The following ATG2A variants were observed in gnomAD, a reference collection of about 807,000 sequenced individuals.
ATG2A encodes the protein autophagy related 2A.
ATG2A carries 103 observed loss-of-function variants against 214.2 expected under a neutral mutation model. The observed-to-expected ratio is 0.48, with a 90% CI of 0.41 to 0.57. ATG2A has a LOEUF of 0.57. Ranked by LOEUF, ATG2A falls within the 20% of genes least tolerant of loss-of-function variation. The pLI is 0.00. For synonymous variants in ATG2A, 1,160 were observed against 1,142.1 expected, an observed-to-expected ratio of 1.02 and a Z score of -0.32; for missense variants, 2,312 against 2,613.2, an observed-to-expected ratio of 0.88 and a Z score of 2.51.
rs923980399 is a variant in ATG2A at position 64,903,906 on chromosome 11, G to C, written c.3465-246C>G. On this transcript the variant is annotated intron_variant, in intron 24 of 40. Coordinates refer to ENST00000377264, the MANE Select transcript of ATG2A (RefSeq NM_015104.3). The surrounding 1 kb of genome is among the most constrained non-coding windows in gnomAD (Gnocchi z 4.2). ...GGGGCCTCATGACAGTCCTGGGAAGGGGTGTCCATTTTTCTCCCTGCTGCA... is the reference window on the plus strand; with the variant it reads ...GGGGCCTCATGACAGTCCTGGGAAGCGGTGTCCATTTTTCTCCCTGCTGCA... Among the ~76,000 whole-genome samples, 1 of 152,212 alleles carries C rather than the reference G, an allele frequency of 6.6e-6. No individual in the cohort carries two copies. Among genetic ancestry groups the C allele is most frequent in the Non-Finnish European group, 1.5e-5 (1 of 68,036 alleles).
At position 64,914,112 on chromosome 11, in the gene ATG2A, C is replaced by T. The variant is rs1210431143; in HGVS notation, c.456G>A (p.Gly152=). Residue 152 remains glycine (G), a synonymous_variant, in exon 3 of 41, where the codon GGG becomes GGA. Coordinates refer to ENST00000377264, the MANE Select transcript of ATG2A (RefSeq NM_015104.3). ...EPSEPPQPLE[G]LEMFAQTIET... ...CAATGGTCTGGGCAAACATCTCCAG[C>T]CCCTCCAGGGGCTGTGGTGGCTCAG... is the stretch of plus-strand genomic sequence containing the variant. 1.3e-6 allele frequency: 2 copies of T among 1,550,342 alleles called. No homozygotes were observed. Among genetic ancestry groups the T allele is most frequent in the East Asian group, 2.4e-5 (1 of 41,292 alleles).
At position 64,907,230 on chromosome 11, in the gene ATG2A, C is replaced by T. The variant is rs920078685; in HGVS notation, c.2832+25G>A. On this transcript the variant is annotated intron_variant, in intron 19 of 40. Coordinates refer to ENST00000377264, the MANE Select transcript of ATG2A (RefSeq NM_015104.3). Reference sequence around the variant, plus strand: ...CCAATGGGAGCTCTGAAGTTTGGGGCCCGCCTGCCCGGGGCTGCACTCACC... The same window carrying T: ...CCAATGGGAGCTCTGAAGTTTGGGGTCCGCCTGCCCGGGGCTGCACTCACC... 4 of 1,466,494 alleles carry T rather than the reference C, an allele frequency of 2.7e-6. No homozygotes were observed. In the Admixed American group the frequency reaches 8.1e-5, roughly 30 times the overall value. 90.8% of individuals were successfully genotyped at this position (1,466,494 alleles called of 1,614,324 possible).
chr11:64,912,376 C>CGGA lies in ATG2A; in HGVS notation c.872_873insTCC (p.Pro291dup). 2 of 1,564,246 alleles carry CGGA rather than the reference C, an allele frequency of 1.3e-6. No individual in the cohort carries two copies. Among genetic ancestry groups the CGGA allele is most frequent in the Non-Finnish European group, 1.7e-6 (2 of 1,154,650 alleles). On this transcript the variant is annotated inframe_insertion, in exon 7 of 41. Transcript: ENST00000377264. Reference sequence around the variant, plus strand: ...GTTCCTGAAGTTGCTGGAGCTGCCTCGGGGTCAGGAGCAGGTGCAGGGAGC... The same window carrying CGGA: ...GTTCCTGAAGTTGCTGGAGCTGCCTCGGAGGGGTCAGGAGCAGGTGCAGGGAGC...
At chr11:64,902,751 C>T (rs1460218482) in intron 26 of ATG2A, 71 bp from the exon 27 acceptor site, 1 of 1,434,240 alleles carries the variant, frequency 7.0e-7, no homozygotes, top group East Asian at 2.3e-5. Flanking sequence ...CACCCGCTCG[C>T]TGGGAGGGCA....
Position 64,913,006 on chromosome 11 carries a change from C to T in ATG2A, c.825+32G>A, listed in dbSNP as rs1271505990. The T allele has an allele frequency of 1.4e-6, 2 of 1,466,942 alleles. No homozygotes were observed. The highest frequency in any genetic ancestry group is 1.8e-6 in the Non-Finnish European group (2 of 1,089,880). The allele number at this position is 1,466,942 out of a possible 1,614,324, so 90.9% of individuals were successfully genotyped here. On this transcript the variant is annotated intron_variant, in intron 6 of 40. Coordinates refer to ENST00000377264, the MANE Select transcript of ATG2A (RefSeq NM_015104.3). This position sits in a 1 kb window ranked among gnomAD's most constrained non-coding sequence, Gnocchi z 4.3. Reference sequence around the variant, plus strand: ...GGAGGAGGAGTCTTGAGATGGGGTACTCACCCCCTCCCCAGGGGCCTGGGG... The same window carrying T: ...GGAGGAGGAGTCTTGAGATGGGGTATTCACCCCCTCCCCAGGGGCCTGGGG...
Position 64,902,370 on chromosome 11 carries a change from G to A in ATG2A, c.3794C>T (p.Ala1265Val). Residue 1265 changes from alanine (A) to valine (V), a missense_variant, in exon 28 of 41, where the codon GCC (alanine) becomes GTC (valine). Coordinates refer to ENST00000377264, the MANE Select transcript of ATG2A (RefSeq NM_015104.3). ...IAGQKLSESPASLPSCPPVET... is the reference protein window; with the variant it reads ...IAGQKLSESPVSLPSCPPVET... ...CACTGGGGGGCACGAGGGCAGAGAGGCAGGACTCTCCGAGAGCTGGGCCAG... is the reference window on the plus strand; with the variant it reads ...CACTGGGGGGCACGAGGGCAGAGAGACAGGACTCTCCGAGAGCTGGGCCAG... 1 of 1,588,008 alleles carries A rather than the reference G, an allele frequency of 6.3e-7. No individual in the cohort carries two copies. Among genetic ancestry groups the A allele is most frequent in the African/African-American group, 1.3e-5 (1 of 74,460 alleles).
rs1007590406 is a variant in ATG2A, at chr11:64,915,137, C to CAA, written c.172-638_172-637insTT. 5.1e-5 allele frequency among the ~76,000 whole-genome samples: 2 copies of CAA among 39,482 alleles called. 1 individual carries two copies. Among genetic ancestry groups the CAA allele is most frequent in the African/African-American group, 1.3e-4 (2 of 14,902 alleles). The allele number at this position is 39,482 out of a possible 152,430, so 25.9% of individuals were successfully genotyped here. A position where few individuals can be genotyped will look rare whatever the true frequency, so the allele number is the denominator to read the frequency against. On this transcript the variant is annotated intron_variant, in intron 1 of 40. Coordinates refer to ENST00000377264, the MANE Select transcript of ATG2A (RefSeq NM_015104.3). ...CTGACCTAATGCCAGATGGGACCCC[C>CAA]CCCCCCCACCACCAACCCCAAACAC...
At chr11:64,910,371 C>G (rs968822104) in intron 12 of ATG2A, among the ~76,000 whole-genome samples, 176 bp from the exon 13 acceptor site, 1 of 152,204 alleles carries the variant, frequency 6.6e-6, no homozygotes, top group Non-Finnish European at 1.5e-5. Flanking sequence ...AAAAGCCACC[C>G]GACATGCGCC....
rs1171351350 is a variant in ATG2A at position 64,902,431 on chromosome 11, TCC to T, written c.3778-47_3778-46del. The T allele has an allele frequency of 2.0e-6, 3 of 1,528,780 alleles. No homozygotes were observed. In the East Asian group the frequency reaches 7.4e-5, roughly 38 times the overall value. 94.7% of individuals were successfully genotyped at this position (1,528,780 alleles called of 1,614,324 possible). ...AGCAATGAGTGAGACAGGACAGAGCTCCCCCAACCCCAGGCCCGAGGGCCATG... is the reference window on the plus strand; with the variant it reads ...AGCAATGAGTGAGACAGGACAGAGCTCCCAACCCCAGGCCCGAGGGCCATG... On this transcript the variant is annotated intron_variant, in intron 27 of 40. Transcript: ENST00000377264.
intron 12 of ATG2A, 40 bp downstream of exon 12, chr11:64,910,576 G>A (rs549413722): frequency 2.0e-5 from 31 of 1,561,888 alleles, no homozygotes; most frequent in South Asian, 1.9e-4. Context: ...GGGTCAACAC[G>A]CCATGGGGAC....
intron 29 of ATG2A, 100 bp downstream of exon 29, chr11:64,901,862 G>A (rs768506076): frequency 1.2e-4 from 160 of 1,368,988 alleles, no homozygotes; most frequent in Admixed American, 5.2e-4. Context: ...CTCTCACCAC[G>A]GGAGCTCCAG....
chr11:64,914,665 G>A (rs2136648231), intron 1 of ATG2A, among the ~76,000 whole-genome samples, 165 bp from the exon 2 acceptor site: 1 of 152,212 alleles, frequency 6.6e-6, no homozygotes, highest in Non-Finnish European at 1.5e-5. Context: ...CCCTACTACA[G>A]GCCAGCCCCC....
Position 64,906,275 on chromosome 11 carries a change from C to A in ATG2A, c.3183+59G>T, listed in dbSNP as rs75591922. ...GCCTCACCGCGCACTGGGGTCCCAC[C>A]GCACACCGGGGCTGCAGCCCAGGCT... is the stretch of plus-strand genomic sequence containing the variant. On this transcript the variant is annotated intron_variant, in intron 21 of 40. Coordinates refer to ENST00000377264, the MANE Select transcript of ATG2A (RefSeq NM_015104.3). 4.4e-6 allele frequency: 7 copies of A among 1,606,822 alleles called. No homozygotes were observed. The South Asian group carries it at 7.7e-5, about 18-fold the overall frequency.
chr11:64,895,317 C>A lies in ATG2A; in HGVS notation c.5553G>T (p.Val1851=). ...GQQPADLREG[V]AKAYDTVREG... is the part of the protein sequence containing the mutation. The stretch of plus-strand genomic sequence containing the variant: ...CTCGCACTGTGTCGTAGGCCTTGGC[C>A]ACACCCTCCCGCAGGTCGGCAGGCT... The change falls in exon 40 of 41, where the codon GTG becomes GTT. Residue 1851 remains valine (V), a synonymous_variant. Transcript: ENST00000377264. This position sits in a 1 kb window ranked among gnomAD's most constrained non-coding sequence, Gnocchi z 5.0. 1.9e-6 allele frequency: 3 copies of A among 1,613,432 alleles called. No individual in the cohort carries two copies. Among genetic ancestry groups the A allele is most frequent in the Non-Finnish European group, 2.5e-6 (3 of 1,179,886 alleles).
At position 64,906,387 on chromosome 11, in the gene ATG2A, G is replaced by T. The variant is rs758662981; in HGVS notation, c.3130C>A (p.His1044Asn). Residue 1044 changes from histidine to asparagine, a missense_variant, in exon 21 of 41, where the codon CAC becomes AAC. His to Asn is a moderately conservative substitution (Grantham distance 68). Transcript: ENST00000377264. Reference protein sequence around the residue: ...SGRKGQGRGPHMLSTAVRIHL... With the variant: ...SGRKGQGRGPNMLSTAVRIHL... The stretch of plus-strand genomic sequence containing the variant: ...ATGCGCACAGCAGTGGACAACATGT[G>T]GGGTCCCCGGCCCTGGCCCTTGCGG... The T allele has an allele frequency of 3.1e-6, 5 of 1,613,190 alleles. No homozygotes were observed. In the East Asian group the frequency reaches 8.9e-5, roughly 29 times the overall value.
chr11:64,914,843 C>T (rs1196683580), intron 1 of ATG2A, among the ~76,000 whole-genome samples: 1 of 149,986 alleles, frequency 6.7e-6, no homozygotes, highest in Non-Finnish European at 1.5e-5. Context: ...CAGCCAGGGA[C>T]TCAGAGCAAC....
chr11:64,903,729 G>A lies in ATG2A; in HGVS notation c.3465-69C>T. ...GGGGCAGCTCCACGGGAGCCGAGCAGAGGGGTCCCAAGCCCACAGGAGGTG... is the reference window on the plus strand; with the variant it reads ...GGGGCAGCTCCACGGGAGCCGAGCAAAGGGGTCCCAAGCCCACAGGAGGTG... On this transcript the variant is annotated intron_variant, in intron 24 of 40. Coordinates refer to ENST00000377264, the MANE Select transcript of ATG2A (RefSeq NM_015104.3). This position sits in a 1 kb window ranked among gnomAD's most constrained non-coding sequence, Gnocchi z 4.2. The A allele has an allele frequency of 1.4e-6, 2 of 1,458,260 alleles. No homozygotes were observed. Among genetic ancestry groups the A allele is most frequent in the Non-Finnish European group, 1.9e-6 (2 of 1,076,332 alleles). The allele number at this position is 1,458,260 out of a possible 1,614,324, so 90.3% of individuals were successfully genotyped here. A position where few individuals can be genotyped will look rare whatever the true frequency, so the allele number is the denominator to read the frequency against.
chr11:64,911,441 C>T (rs1590655248), intron 9 of ATG2A, among the ~76,000 whole-genome samples, 166 bp from the exon 10 acceptor site: 2 of 152,094 alleles, frequency 1.3e-5, no homozygotes, highest in African/African-American at 2.4e-5. Context: ...CTCCAGTAGA[C>T]CAGGCCTTCT....
In ATG2A at chr11:64,913,047, A is replaced by C. The variant is rs1045850628; in HGVS notation, c.816T>G (p.Pro272=). The C allele has an allele frequency of 6.4e-7, 1 of 1,556,898 alleles. No individual in the cohort carries two copies. Among genetic ancestry groups the C allele is most frequent in the African/African-American group, 1.4e-5 (1 of 73,156 alleles). ...MVKLKQNEAF[P]GPKLEVAGQL... is the part of the protein sequence containing the mutation. ...GGGCCTGGGGACCCACCTTGGGGCCAGGGAAGGCCTCATTTTGCTTCAACT... is the reference window on the plus strand; with the variant it reads ...GGGCCTGGGGACCCACCTTGGGGCCCGGGAAGGCCTCATTTTGCTTCAACT... The change falls in exon 6 of 41, where the codon CCT becomes CCG. Residue 272 remains proline (P), a synonymous_variant. Transcript: ENST00000377264. This position sits in a 1 kb window ranked among gnomAD's most constrained non-coding sequence, Gnocchi z 4.3.
Sources: gnomAD v4.1 joint callset for allele counts (sites outside exome capture counted in the v4.1 genomes callset) on GRCh38, gnomAD v4.1.1 for gene constraint, Gnocchi (gnomAD v3.1) non-coding constraint, MANE v1.5 for transcripts, NCBI Gene and HGNC (gene_info 2026-07-23, HGNC 2026-07-21) for gene names.